ZNF324B: variants seen among roughly 807,000 people sequenced by gnomAD.
ZNF324B encodes the protein zinc finger protein 324B.
A neutral mutation model predicts 10.6 loss-of-function variants in ZNF324B; 7 were observed. The ratio of observed to expected loss-of-function variants is 0.66; its 90% CI spans 0.38 to 1.24. ZNF324B has a LOEUF of 1.24. ZNF324B is among the 50% of genes most tolerant of loss of function. The pLI is 0.02. For synonymous variants in ZNF324B, 316 were observed against 321.0 expected, an observed-to-expected ratio of 0.98 and a Z score of 0.17; for missense variants, 640 against 764.7, an observed-to-expected ratio of 0.84 and a Z score of 1.92.
chr19:58,448,227 C>T (rs2052836273), upstream of ZNF324B, among the ~76,000 whole-genome samples: 1 of 152,200 alleles, frequency 6.6e-6, no homozygotes, highest in African/African-American at 2.4e-5. Flanking sequence ...ATGTTTGGAA[C>T]TTCCTAGAGA....
the ZNF324B span, among the ~76,000 whole-genome samples, chr19:58,427,384 T>C: frequency 1.1e-4 from 5 of 47,348 alleles, no homozygotes; most frequent in Non-Finnish European, 1.9e-4. Flanking sequence ...CTTTCTTTCT[T>C]TCTTTCTTTC....
At chr19:58,431,720 G>A in the ZNF324B span, among the ~76,000 whole-genome samples, 23 of 152,142 alleles carry the variant, frequency 1.5e-4, no homozygotes, top group Admixed American at 5.2e-4. Flanking sequence ...GGCCAGGTGC[G>A]GTGGCTCATG....
chr19:58,424,845 C>T, the ZNF324B span, among the ~76,000 whole-genome samples: 1 of 152,062 alleles, frequency 6.6e-6, no homozygotes, highest in Non-Finnish European at 1.5e-5. Flanking sequence ...CATACACCTA[C>T]CATATACCCC....
the ZNF324B span, chr19:58,442,752 C>A: frequency 6.6e-6 from 1 of 152,360 alleles, no homozygotes. Context: ...GTTGTTTGTT[C>A]CTCCCAGTGG....
At chr19:58,446,766 A>AG (rs1244810866), upstream of ZNF324B, among the ~76,000 whole-genome samples, 6 of 151,466 alleles carry the variant, frequency 4.0e-5, no homozygotes, top group East Asian at 1.2e-3. Context: ...TAGTAGAGAC[A>AG]GGGTTTCACC....
the ZNF324B span, chr19:58,435,047 G>T: frequency 6.2e-7 from 1 of 1,614,114 alleles, no homozygotes. Context: ...TGTGTTCCCT[G>T]ATGCTCAGCC....
chr19:58,455,346 A>G lies in ZNF324B; in HGVS notation c.402A>G (p.Arg134=), dbSNP rs1345748419. The change falls in exon 4 of 4, where the codon AGA becomes AGG. Residue 134 remains arginine (R), a synonymous_variant. Transcript: ENST00000336614. The surrounding 1 kb of genome is among the most constrained non-coding windows in gnomAD (Gnocchi z 7.0). Reference sequence around the variant, plus strand: ...CGGGTGCCTCCCCATCTCAGGAGAGAAAACCCACGGGGGTGTCGGTGATCT... The same window carrying G: ...CGGGTGCCTCCCCATCTCAGGAGAGGAAACCCACGGGGGTGTCGGTGATCT... The part of the protein sequence containing the change: ...RQPGASPSQE[R]KPTGVSVIYW... The G allele has an allele frequency of 1.2e-6, 2 of 1,614,070 alleles. No individual in the cohort carries two copies. Among genetic ancestry groups the G allele is most frequent in the African/African-American group, 2.7e-5 (2 of 74,934 alleles).
the ZNF324B span, chr19:58,445,426 T>G: frequency 1.9e-6 from 1 of 518,964 alleles, no homozygotes; most frequent in Non-Finnish European, 3.8e-6. Context: ...CGGCCACAGC[T>G]CCTGCCTTGC....
At chr19:58,421,163 C>T in the ZNF324B span, among the ~76,000 whole-genome samples, 8 of 152,150 alleles carry the variant, frequency 5.3e-5, no homozygotes, top group South Asian at 4.2e-4. Flanking sequence ...GCCTGTCTTA[C>T]GGGGAAGTGC....
chr19:58,426,827 A>G, the ZNF324B span, among the ~76,000 whole-genome samples: 35 of 152,356 alleles, frequency 2.3e-4, no homozygotes, highest in Middle Eastern at 3.4e-3. Flanking sequence ...AGAGTGTACA[A>G]TAACAGGGTA....
At chr19:58,435,363 C>A in the ZNF324B span, 1 of 845,830 alleles carries the variant, frequency 1.2e-6, no homozygotes, top group Non-Finnish European at 1.8e-6. Flanking sequence ...AAGAAGGGCC[C>A]ATTACTATTG....
At chr19:58,433,002 G>GGTTGA in the ZNF324B span, 5 of 211,912 alleles carry the variant, frequency 2.4e-5, no homozygotes, top group Non-Finnish European at 4.7e-5. Flanking sequence ...AACCAGCATC[G>GGTTGA]GTTCAGCTGA....
the ZNF324B span, chr19:58,441,027 C>T: frequency 6.6e-6 from 1 of 152,532 alleles, no homozygotes; most frequent in Admixed American, 6.5e-5. Flanking sequence ...TTTCAGAATC[C>T]AGTTTGTTGA....
the ZNF324B span, chr19:58,439,920 C>G: frequency 7.9e-7 from 1 of 1,270,616 alleles, no homozygotes; most frequent in African/African-American, 1.5e-5. Flanking sequence ...ATGCAAAATG[C>G]GCGCAAGGCC....
At chr19:58,439,618 C>T in the ZNF324B span, 1 of 842,686 alleles carries the variant, frequency 1.2e-6, no homozygotes, top group South Asian at 2.1e-5. Flanking sequence ...GTAAGTGACT[C>T]CCAGGGCAGG....
At chr19:58,432,971 A>T in the ZNF324B span, 1 of 176,246 alleles carries the variant, frequency 5.7e-6, no homozygotes, top group Non-Finnish European at 1.2e-5. Flanking sequence ...AGCTCAAATT[A>T]GATTTCCCTC....
rs1345880975 is a variant in ZNF324B, at chr19:58,455,846, C to CGCA, written c.906_908dup (p.Gln302dup). On this transcript the variant is annotated inframe_insertion, in exon 4 of 4. Transcript: ENST00000336614. The surrounding 1 kb of genome is among the most constrained non-coding windows in gnomAD (Gnocchi z 7.0). ...GCCTTCAGCCAGACGTCGCACTTGA[C>CGCA]GCAGCACCAGCGCATCCACAGCGGC... The CGCA allele has an allele frequency of 6.2e-7, 1 of 1,613,594 alleles. No homozygotes were observed. Among genetic ancestry groups the CGCA allele is most frequent in the African/African-American group, 1.3e-5 (1 of 74,918 alleles).
At position 58,456,651 on chromosome 19, in the gene ZNF324B, T is replaced by C. The variant is rs1246910152; in HGVS notation, c.*72T>C. The C allele has an allele frequency of 4.2e-5, 63 of 1,509,206 alleles. No homozygotes were observed. The South Asian group carries it at 6.6e-4, about 16-fold the overall frequency. 93.5% of individuals were successfully genotyped at this position (1,509,206 alleles called of 1,614,324 possible). A position where few individuals can be genotyped will look rare whatever the true frequency, so the allele number is the denominator to read the frequency against. ...TTCCACAGCTAAAGGGTCCGAGTGC[T>C]CTTCAGATCCACGATGGGGAAAAGC... is the stretch of plus-strand genomic sequence containing the variant. On this transcript the variant is annotated 3_prime_UTR_variant, in exon 4 of 4. Coordinates refer to ENST00000336614, the MANE Select transcript of ZNF324B (RefSeq NM_207395.3). This position sits in a 1 kb window ranked among gnomAD's most constrained non-coding sequence, Gnocchi z 4.7.
the ZNF324B span, chr19:58,435,609 T>C: frequency 6.1e-6 from 1 of 163,148 alleles, no homozygotes; most frequent in African/African-American, 2.4e-5. Context: ...AAAAAATAAA[T>C]GACAACAAAT....
Sources: allele counts gnomAD v4.1 joint callset (sites outside exome capture counted in the v4.1 genomes callset), GRCh38; gene constraint gnomAD v4.1.1; non-coding constraint Gnocchi (gnomAD v3.1); transcripts MANE v1.5; gene names NCBI Gene and HGNC (gene_info 2026-07-23, HGNC 2026-07-21).